RBBP4: variants seen among roughly 807,000 people sequenced by gnomAD.
RBBP4 encodes the protein RB binding protein 4, chromatin remodeling factor.
Under a neutral mutation model 57.2 loss-of-function variants are expected in RBBP4, and 3 were observed. The ratio of observed to expected loss-of-function variants is 0.05; its 90% CI spans 0.02 to 0.14. RBBP4 has a LOEUF of 0.14. RBBP4 is among the 10% of genes least tolerant of loss of function. The pLI is 1.00. For synonymous variants in RBBP4, 151 were observed against 171.5 expected (o/e 0.88, Z 0.93); for missense variants, 107 against 520.6 (o/e 0.21, Z 7.73).
chr1:32,656,356 TTTTG>T (rs1557851133), intron 2 of RBBP4, among the ~76,000 whole-genome samples: 1 of 142,360 alleles, frequency 7.0e-6, no homozygotes, highest in South Asian at 2.3e-4. Context: ...GTTTTTTTTG[TTTTG>T]TTTGTTTTTT....
intron 3 of RBBP4, among the ~76,000 whole-genome samples, chr1:32,667,383 C>A (rs1648698615): frequency 6.6e-6 from 1 of 152,212 alleles, no homozygotes; most frequent in African/African-American, 2.4e-5. Context: ...AAGGGAAGGG[C>A]CCCTGTCCCA....
intron 1 of RBBP4, 113 bp downstream of exon 1, chr1:32,651,435 A>C: frequency 7.3e-7 from 1 of 1,374,234 alleles, no homozygotes; most frequent in Middle Eastern, 2.0e-4. Flanking sequence ...AGTCCCCGGT[A>C]CTGAAGGCGT....
intron 3 of RBBP4, 84 bp downstream of exon 3, chr1:32,657,656 G>T: frequency 2.8e-6 from 4 of 1,446,078 alleles, no homozygotes; most frequent in Non-Finnish European, 3.7e-6. Context: ...TCTGACTTTA[G>T]AAACAATATT....
At chr1:32,676,627 AAGAAAAAG>A (rs1649114661) in intron 11 of RBBP4, among the ~76,000 whole-genome samples, 1 of 33,758 alleles carries the variant, frequency 3.0e-5, no homozygotes, top group African/African-American at 4.5e-5. Context: ...AAAAAAAAAA[AAGAAAAAG>A]AAAAGCTGTT....
intron 11 of RBBP4, 62 bp downstream of exon 11, chr1:32,672,963 T>A: frequency 1.5e-6 from 2 of 1,311,992 alleles, no homozygotes; most frequent in Non-Finnish European, 2.2e-6. Flanking sequence ...TCAATTTACA[T>A]TTGTATATTT....
intron 3 of RBBP4, among the ~76,000 whole-genome samples, chr1:32,659,123 A>G (rs956220433): frequency 6.8e-6 from 1 of 147,692 alleles, no homozygotes; most frequent in Non-Finnish European, 1.5e-5. Context: ...TATAATTTAT[A>G]TATACATATA....
In RBBP4 at chr1:32,680,742, G is replaced by A; in HGVS notation, c.*1037G>A. 1 of 538,468 alleles carries A rather than the reference G, an allele frequency of 1.9e-6. No homozygotes were observed. The highest frequency in any genetic ancestry group is 3.2e-5 in the East Asian group (1 of 31,742). 33.4% of individuals were successfully genotyped at this position (538,468 alleles called of 1,614,324 possible). On this transcript the variant is annotated 3_prime_UTR_variant, in exon 12 of 12. Coordinates refer to ENST00000373493, the MANE Select transcript of RBBP4 (RefSeq NM_005610.3). ...AAGAGTCCTTCAGATGACAGTTGTTGTCCATGGTCTTTGACTATCAAGAGC... is the reference window on the plus strand; with the variant it reads ...AAGAGTCCTTCAGATGACAGTTGTTATCCATGGTCTTTGACTATCAAGAGC...
chr1:32,661,301 CCT>C lies in RBBP4; in HGVS notation c.310+3730_310+3731del, dbSNP rs1491152624. 1.9e-4 allele frequency among the ~76,000 whole-genome samples: 25 copies of C among 132,096 alleles called. 3 individuals are homozygous for C. Among genetic ancestry groups the C allele is most frequent in the African/African-American group, 6.5e-4 (21 of 32,270 alleles). 86.7% of individuals were successfully genotyped at this position (132,096 alleles called of 152,430 possible). A position where few individuals can be genotyped will look rare whatever the true frequency, so the allele number is the denominator to read the frequency against. On this transcript the variant is annotated intron_variant, in intron 3 of 11. Coordinates refer to ENST00000373493, the MANE Select transcript of RBBP4 (RefSeq NM_005610.3). ...TTGAATGGTAGTTCTATTTTTAGTT[CCT>C]TTTTTTTTTTTTTTGAGATGGAGTG...
At chr1:32,663,616 G>A (rs958320210) in intron 3 of RBBP4, among the ~76,000 whole-genome samples, 14 of 150,656 alleles carry the variant, frequency 9.3e-5, no homozygotes, top group Admixed American at 3.3e-4. Flanking sequence ...TCGCTTTATC[G>A]CCCAGGCTGG....
chr1:32,651,637 G>C, intron 1 of RBBP4: 2 of 763,970 alleles, frequency 2.6e-6, no homozygotes, highest in Non-Finnish European at 4.0e-6. Flanking sequence ...TCGGAGCTCG[G>C]GCCTCCTCGT....
At chr1:32,673,828 T>C (rs184395983) in intron 11 of RBBP4, among the ~76,000 whole-genome samples, 1 of 152,234 alleles carries the variant, frequency 6.6e-6, no homozygotes. Flanking sequence ...GCCGAGCACG[T>C]TGGCTCACGC....
At chr1:32,675,358 CAG>C (rs1343668089) in intron 11 of RBBP4, among the ~76,000 whole-genome samples, 1 of 151,900 alleles carries the variant, frequency 6.6e-6, no homozygotes, top group African/African-American at 2.4e-5. Context: ...TAATTGAAGA[CAG>C]AAATAAAATA....
chr1:32,676,890 CT>C (rs1649125864), intron 11 of RBBP4, among the ~76,000 whole-genome samples: 1 of 151,998 alleles, frequency 6.6e-6, no homozygotes, highest in South Asian at 2.1e-4. Context: ...TTGCAGTGAG[CT>C]AAGATGGCGC....
chr1:32,678,567 CTTTTTTTTTTTTTTTTTTTTT>C (rs558897341), intron 11 of RBBP4, among the ~76,000 whole-genome samples: 266 of 43,648 alleles, frequency 6.1e-3, no homozygotes, highest in Non-Finnish European at 9.0e-3. Context: ...TATGTGACAG[CTTTTTTTTTTTTTTTTTTTTT>C]TTTTTTTTTT....
intron 2 of RBBP4, 27 bp downstream of exon 2, chr1:32,652,088 T>C (rs201226492): frequency 5.6e-5 from 90 of 1,595,306 alleles, no homozygotes; most frequent in Non-Finnish European, 6.8e-5. Context: ...GAACGTTATT[T>C]TGATGTATTT....
intron 4 of RBBP4, 113 bp downstream of exon 4, chr1:32,668,511 T>C: frequency 2.5e-6 from 3 of 1,180,866 alleles, no homozygotes; most frequent in Non-Finnish European, 3.6e-6. Context: ...TTGTGATTTG[T>C]ATTGATATGT....
chr1:32,665,450 G>A (rs1404262052), intron 3 of RBBP4, among the ~76,000 whole-genome samples: 2 of 152,010 alleles, frequency 1.3e-5, no homozygotes, highest in African/African-American at 2.4e-5. Context: ...GGCTGAAGCG[G>A]GTAGATTATC....
chr1:32,662,221 C>A, intron 3 of RBBP4: 1 of 341,732 alleles, frequency 2.9e-6, no homozygotes, highest in Non-Finnish European at 6.1e-6. Flanking sequence ...ATTTTTTTAA[C>A]AAACAGTCTC....
intron 8 of RBBP4, among the ~76,000 whole-genome samples, chr1:32,670,795 T>G (rs575559312): frequency 1.3e-5 from 2 of 152,156 alleles, no homozygotes; most frequent in Non-Finnish European, 2.9e-5. Flanking sequence ...AATAAAAGAT[T>G]TTGTCAAGTG....
Sources: allele counts gnomAD v4.1 joint callset (sites outside exome capture counted in the v4.1 genomes callset), GRCh38; gene constraint gnomAD v4.1.1; transcripts MANE v1.5; gene names NCBI Gene and HGNC (gene_info 2026-07-23, HGNC 2026-07-21).